The following BAHCC1 variants were observed in gnomAD, a reference collection of about 807,000 sequenced individuals.
BAHCC1 encodes BAH domain and coiled-coil containing 1, also known as BAH and coiled-coil domain-containing protein 1.
BAHCC1 carries 43 observed loss-of-function variants against 88.2 expected under a neutral mutation model. That is an observed-to-expected ratio of 0.49 (90% CI 0.38 to 0.63). The LOEUF is 0.63. Among genes scored for constraint, BAHCC1 ranks in the 20% least tolerant of loss-of-function variants. BAHCC1 has a pLI of 0.00. For synonymous variants in BAHCC1, 1,510 were observed against 745.5 expected, an observed-to-expected ratio of 2.03 and a Z score of -16.71; for missense variants, 3,023 against 1,654.8, an observed-to-expected ratio of 1.83 and a Z score of -14.34.
intron 4 of BAHCC1, 69 bp from the exon 5 acceptor site, chr17:81,441,762 T>A (rs2064420784): frequency 1.0e-5 from 5 of 493,952 alleles, no homozygotes; most frequent in Admixed American, 9.1e-5. Context: ...CTGGAGCACC[T>A]GTCTCAGGGA....
intron 9 of BAHCC1, 44 bp from the exon 10 acceptor site, chr17:81,445,310 C>T: frequency 5.4e-6 from 4 of 743,586 alleles, no homozygotes. Flanking sequence ...CCACTGGGGT[C>T]AGGGGATCCT....
Position 81,435,851 on chromosome 17 carries a change from TC to T in BAHCC1, c.359-2515del, listed in dbSNP as rs1555651660. ...CAGCCCCTTCCAGGATGCCTGTGTGTCCCCGGCCCAGCCACAGCAGCCCTGC... is the reference window on the plus strand; with the variant it reads ...CAGCCCCTTCCAGGATGCCTGTGTGTCCCGGCCCAGCCACAGCAGCCCTGC... On this transcript the variant is annotated intron_variant, in intron 3 of 27. Coordinates refer to ENST00000675386, the MANE Select transcript of BAHCC1 (RefSeq NM_001377448.1). The surrounding 1 kb of genome is among the most constrained non-coding windows in gnomAD (Gnocchi z 4.4). Among the ~76,000 whole-genome samples, 1 of 151,984 alleles carries T rather than the reference TC, an allele frequency of 6.6e-6. No homozygotes were observed. Among genetic ancestry groups the T allele is most frequent in the Non-Finnish European group, 1.5e-5 (1 of 67,972 alleles).
chr17:81,402,325 C>T (rs1289096872), intron 2 of BAHCC1: 2 of 152,054 alleles, frequency 1.3e-5, no homozygotes, highest in Admixed American at 1.3e-4. Flanking sequence ...TTGTTAAGAG[C>T]CAGAATATTG....
At chr17:81,460,243 G>T (rs560575785) in intron 23 of BAHCC1, 34 bp from the exon 24 acceptor site, 4 of 735,376 alleles carry the variant, frequency 5.4e-6, no homozygotes, top group Non-Finnish European at 7.6e-6. Flanking sequence ...CCTACTGGGG[G>T]TTCCAGCTGC....
At position 81,460,501 on chromosome 17, in the gene BAHCC1, C is replaced by G. The variant is rs544039370; in HGVS notation, c.6026-29C>G. On this transcript the variant is annotated intron_variant, in intron 24 of 27. Transcript: ENST00000675386. ...TGGCAGTCACCCCACAGCCATGGCA[C>G]TGAAGCCCTTGGCCCATGCTATCCA... is the stretch of plus-strand genomic sequence containing the variant. The G allele has an allele frequency of 2.5e-4, 184 of 733,866 alleles. 2 individuals carry two copies. In the South Asian group the frequency reaches 2.7e-3, roughly 11 times the overall value. 45.5% of individuals were successfully genotyped at this position (733,866 alleles called of 1,614,324 possible).
intron 3 of BAHCC1, 124 bp from the exon 4 acceptor site, chr17:81,438,246 G>A (rs1396477249): frequency 2.8e-5 from 19 of 681,800 alleles, no homozygotes; most frequent in Middle Eastern, 5.2e-4. Flanking sequence ...CGGCGGCTGC[G>A]TGCTGGGCTC....
Position 81,459,249 on chromosome 17 carries a change from C to T in BAHCC1, c.5721-4C>T. ...TGGCACCTCACATTCCCCAATGCCC[C>T]CAGCTATAGCATCGTCATCGAGGGC... On this transcript the variant is annotated splice_polypyrimidine_tract_variant and splice_region_variant and intron_variant, in intron 21 of 27. Transcript: ENST00000675386. The T allele has an allele frequency of 1.3e-6, 1 of 778,918 alleles. No homozygotes were observed. The highest frequency in any genetic ancestry group is 2.4e-6 in the Non-Finnish European group (1 of 417,492). The allele number at this position is 778,918 out of a possible 1,614,324, so 48.3% of individuals were successfully genotyped here.
intron 14 of BAHCC1, 83 bp from the exon 15 acceptor site, chr17:81,455,184 G>T: frequency 1.5e-6 from 1 of 672,126 alleles, no homozygotes; most frequent in South Asian, 1.6e-5. Context: ...CCCACAGTGT[G>T]ACCCACTACA....
chr17:81,407,912 C>T (rs892974249), intron 2 of BAHCC1, among the ~76,000 whole-genome samples: 7 of 152,210 alleles, frequency 4.6e-5, no homozygotes, highest in African/African-American at 7.2e-5. Flanking sequence ...CCTGGGAAAG[C>T]CAGGTTGCTT....
rs781802477 is a variant in BAHCC1 at position 81,418,776 on chromosome 17, CGT to C, written c.179-8015_179-8014del. On this transcript the variant is annotated intron_variant, in intron 2 of 27. Transcript: ENST00000675386. ...ACGTGTGTGTGTGTACGTGTGTGTA[CGT>C]GTGTGTGTACGTGTGTGCGTGTGTG... 8.5e-3 allele frequency among the ~76,000 whole-genome samples: 574 copies of C among 67,362 alleles called. 1 individual carries two copies. Among genetic ancestry groups the C allele is most frequent in the African/African-American group, 0.023 (408 of 17,940 alleles). The allele number at this position is 67,362 out of a possible 152,430, so 44.2% of individuals were successfully genotyped here.
At chr17:81,443,597 G>A (rs782388397) in intron 5 of BAHCC1, 33 bp downstream of exon 5, 16 of 621,560 alleles carry the variant, frequency 2.6e-5, no homozygotes, top group Admixed American at 1.0e-4. Flanking sequence ...GAGGCAGGCC[G>A]GGACAGTCTA....
At position 81,399,874 on chromosome 17, in the gene BAHCC1, G is replaced by A. The variant is rs1198284315; in HGVS notation, c.135G>A (p.Pro45=). The A allele has an allele frequency of 2.8e-6, 4 of 1,449,768 alleles. No individual in the cohort carries two copies. The highest frequency in any genetic ancestry group is 3.0e-5 in the African/African-American group (2 of 67,288). 89.8% of individuals were successfully genotyped at this position (1,449,768 alleles called of 1,614,324 possible). ...CGCAGCCCCCCGCACACTTCCAGCC[G>A]GGAAAGTACTTCCCGTCGCCGTTGC... ...PAAQPPAHFQ[P]GKYFPSPLPM... The change falls in exon 2 of 28, where the codon CCG becomes CCA. Residue 45 remains proline, a synonymous_variant. Coordinates refer to ENST00000675386, the MANE Select transcript of BAHCC1 (RefSeq NM_001377448.1). The surrounding 1 kb of genome is among the most constrained non-coding windows in gnomAD (Gnocchi z 4.5).
chr17:81,447,987 C>G, intron 11 of BAHCC1, 139 bp downstream of exon 11: 1 of 628,842 alleles, frequency 1.6e-6, no homozygotes, highest in Non-Finnish European at 2.9e-6. Context: ...TGGAGAGTGT[C>G]CGCCTCCCCT....
rs1198284315 is a variant in BAHCC1 at position 81,399,874 on chromosome 17, G to T, written c.135G>T (p.Pro45=). 2 of 1,449,874 alleles carry T rather than the reference G, an allele frequency of 1.4e-6. No individual in the cohort carries two copies. The highest frequency in any genetic ancestry group is 1.8e-6 in the Non-Finnish European group (2 of 1,099,550). The allele number at this position is 1,449,874 out of a possible 1,614,324, so 89.8% of individuals were successfully genotyped here. A position where few individuals can be genotyped will look rare whatever the true frequency, so the allele number is the denominator to read the frequency against. ...CGCAGCCCCCCGCACACTTCCAGCC[G>T]GGAAAGTACTTCCCGTCGCCGTTGC... is the stretch of plus-strand genomic sequence containing the variant. ...PAAQPPAHFQ[P]GKYFPSPLPM... is the part of the protein sequence containing the mutation. The change falls in exon 2 of 28, where the codon CCG becomes CCT. Residue 45 remains proline, a synonymous_variant. Coordinates refer to ENST00000675386, the MANE Select transcript of BAHCC1 (RefSeq NM_001377448.1). This position sits in a 1 kb window ranked among gnomAD's most constrained non-coding sequence, Gnocchi z 4.5.
rs1305249794 is a variant in BAHCC1, at chr17:81,411,433, TG to T, written c.178+11523del. On this transcript the variant is annotated intron_variant, in intron 2 of 27. Coordinates refer to ENST00000675386, the MANE Select transcript of BAHCC1 (RefSeq NM_001377448.1). This position sits in a 1 kb window ranked among gnomAD's most constrained non-coding sequence, Gnocchi z 6.2. ...TCAAATTGATCAGGGAGGGTGGGGT[TG>T]GGGGGGAACAGGGTCCTTGAGGTCG... 2 of 153,040 alleles carry T rather than the reference TG, an allele frequency of 1.3e-5. No homozygotes were observed. Among genetic ancestry groups the T allele is most frequent in the Admixed American group, 1.1e-4 (1 of 9,468 alleles). The allele number at this position is 153,040 out of a possible 1,614,324, so 9.5% of individuals were successfully genotyped here. A position where few individuals can be genotyped will look rare whatever the true frequency, so the allele number is the denominator to read the frequency against.
At position 81,417,164 on chromosome 17, in the gene BAHCC1, C is replaced by T. The variant is rs186936895; in HGVS notation, c.179-9636C>T. 2.4e-4 allele frequency among the ~76,000 whole-genome samples: 37 copies of T among 152,252 alleles called. No individual in the cohort carries two copies. The East Asian group carries it at 6.8e-3, about 28-fold the overall frequency. ...GGGCTGGGGTGTGCGTGCGTGTGCC[C>T]CTGACATCTTCACCGGGGTGTCCGT... On this transcript the variant is annotated intron_variant, in intron 2 of 27. Coordinates refer to ENST00000675386, the MANE Select transcript of BAHCC1 (RefSeq NM_001377448.1).
chr17:81,464,066 C>G lies in BAHCC1; in HGVS notation c.*249C>G. On this transcript the variant is annotated 3_prime_UTR_variant, in exon 28 of 28. Transcript: ENST00000675386. Reference sequence around the variant, plus strand: ...GCTGTGGCCCTCATGGGTCCCCGGCCCGCCCCACCCACAGCGCCCTCCGTT... The same window carrying G: ...GCTGTGGCCCTCATGGGTCCCCGGCGCGCCCCACCCACAGCGCCCTCCGTT... 3.5e-6 allele frequency: 2 copies of G among 570,444 alleles called. No homozygotes were observed. Among genetic ancestry groups the G allele is most frequent in the Non-Finnish European group, 6.3e-6 (2 of 317,754 alleles). 35.3% of individuals were successfully genotyped at this position (570,444 alleles called of 1,614,324 possible).
rs1306711182 is a variant in BAHCC1 at position 81,435,471 on chromosome 17, C to T, written c.359-2899C>T. 7 of 470,874 alleles carry T rather than the reference C, an allele frequency of 1.5e-5. No homozygotes were observed. The highest frequency in any genetic ancestry group is 1.4e-4 in the African/African-American group (7 of 50,068). 29.2% of individuals were successfully genotyped at this position (470,874 alleles called of 1,614,324 possible). A position where few individuals can be genotyped will look rare whatever the true frequency, so the allele number is the denominator to read the frequency against. On this transcript the variant is annotated intron_variant, in intron 3 of 27. Transcript: ENST00000675386. The surrounding 1 kb of genome is among the most constrained non-coding windows in gnomAD (Gnocchi z 4.4). Reference sequence around the variant, plus strand: ...AGGGCACCAGCAGCCTGTGTCCTGACCACCTCTCTGGCGGTTCGCTTAGCC... The same window carrying T: ...AGGGCACCAGCAGCCTGTGTCCTGATCACCTCTCTGGCGGTTCGCTTAGCC...
rs1555654918 is a variant in BAHCC1, at chr17:81,447,602, T to C, written c.3730T>C (p.Cys1244Arg). ...QQSMEDSEED[C>R]GGAPDNSHPP... ...GAGCATGGAGGACTCAGAGGAGGAC[T>C]GTGGCGGAGCTCCCGACAACAGCCA... Residue 1244 changes from cysteine to arginine, a missense_variant, in exon 11 of 28, where the codon TGT (cysteine) becomes CGT (arginine). Transcript: ENST00000675386. 1 of 750,162 alleles carries C rather than the reference T, an allele frequency of 1.3e-6. No individual in the cohort carries two copies. Among genetic ancestry groups the C allele is most frequent in the Non-Finnish European group, 2.5e-6 (1 of 403,768 alleles). The allele number at this position is 750,162 out of a possible 1,614,324, so 46.5% of individuals were successfully genotyped here.
Sources: allele counts gnomAD v4.1 joint callset (sites outside exome capture counted in the v4.1 genomes callset), GRCh38; gene constraint gnomAD v4.1.1; non-coding constraint Gnocchi (gnomAD v3.1); transcripts MANE v1.5; gene names NCBI Gene and HGNC (gene_info 2026-07-23, HGNC 2026-07-21).